The following RBPMS variants were observed in gnomAD, a reference collection of about 807,000 sequenced individuals.
RBPMS encodes the protein RNA binding protein, mRNA processing factor, also known as RNA-binding protein with multiple splicing.
RBPMS carries 7 observed loss-of-function variants against 26.8 expected under a neutral mutation model. The observed-to-expected ratio is 0.26, with a 90% CI of 0.15 to 0.49. The LOEUF (loss-of-function observed/expected upper bound fraction) is 0.49, where lower values mean the gene tolerates loss of function less well. Ranked by LOEUF, RBPMS falls within the 20% of genes least tolerant of loss-of-function variation. The pLI is 0.98. For synonymous variants in RBPMS, 96 were observed against 93.3 expected, an observed-to-expected ratio of 1.03 and a Z score of -0.17; for missense variants, 186 against 250.0, an observed-to-expected ratio of 0.74 and a Z score of 1.73.
intron 1 of RBPMS, among the ~76,000 whole-genome samples, chr8:30,390,475 A>G (rs1016414392): frequency 6.6e-6 from 1 of 152,052 alleles, no homozygotes; most frequent in African/African-American, 2.4e-5. Context: ...GCTACTTGGT[A>G]CTCCACAAAG....
At chr8:30,434,198 A>G (rs972446279) in intron 1 of RBPMS, among the ~76,000 whole-genome samples, 1 of 152,164 alleles carries the variant, frequency 6.6e-6, no homozygotes, top group Admixed American at 6.6e-5. Flanking sequence ...GTATAAAATG[A>G]AGGAGCTACA....
chr8:30,441,282 G>T (rs1813046051), intron 1 of RBPMS, among the ~76,000 whole-genome samples: 1 of 152,048 alleles, frequency 6.6e-6, no homozygotes, highest in Non-Finnish European at 1.5e-5. Context: ...ACTGTTTTGG[G>T]GTTTTTAAAC....
At chr8:30,550,585 T>G (rs9297247) in intron 6 of RBPMS, among the ~76,000 whole-genome samples, 3,594 of 152,262 alleles carry the variant, frequency 0.024, 151 homozygotes, top group African/African-American at 0.081. Flanking sequence ...GCTAGAGACC[T>G]CACGGCTGGA....
intron 7 of RBPMS, chr8:30,565,486 G>T (rs1827828133): frequency 6.6e-6 from 1 of 152,270 alleles, no homozygotes; most frequent in African/African-American, 2.4e-5. Context: ...AGGACCGCTG[G>T]TGTCCACATG....
intron 1 of RBPMS, among the ~76,000 whole-genome samples, chr8:30,454,062 C>T (rs537253141): frequency 6.6e-6 from 1 of 152,168 alleles, no homozygotes; most frequent in Non-Finnish European, 1.5e-5. Context: ...TGATCCTTCT[C>T]CCAGCAGATT....
intron 4 of RBPMS, among the ~76,000 whole-genome samples, chr8:30,494,855 T>C (rs923034610): frequency 1.5e-4 from 23 of 152,228 alleles, no homozygotes; most frequent in Non-Finnish European, 7.4e-5. Context: ...CATTTTGTTA[T>C]TGGAGCAGTT....
chr8:30,478,501 A>AT (rs199724683), intron 3 of RBPMS, among the ~76,000 whole-genome samples: 37,544 of 139,740 alleles, frequency 0.27, 5,147 homozygotes, highest in East Asian at 0.4. Flanking sequence ...TAAGAATATG[A>AT]TTTTTTTTTT....
At chr8:30,511,486 A>AAATATATATATAT (rs1821657057) in intron 5 of RBPMS, among the ~76,000 whole-genome samples, 2 of 23,568 alleles carry the variant, frequency 8.5e-5, no homozygotes, top group African/African-American at 3.3e-4. Context: ...AAAAAAAAAA[A>AAATATATATATAT]ATATATATAT....
intron 7 of RBPMS, among the ~76,000 whole-genome samples, chr8:30,563,416 AGAGTG>A (rs1232129841): frequency 5.1e-4 from 78 of 152,312 alleles, no homozygotes; most frequent in Middle Eastern, 3.4e-3. Flanking sequence ...ACATGCAGTG[AGAGTG>A]AGGCAGCTTT....
intron 5 of RBPMS, among the ~76,000 whole-genome samples, chr8:30,539,779 C>T (rs1315663470): frequency 2.6e-5 from 4 of 152,006 alleles, no homozygotes; most frequent in Non-Finnish European, 5.9e-5. Context: ...GCGTGCACCA[C>T]CACACTCAGC....
chr8:30,497,918 G>C (rs565163802), intron 4 of RBPMS, among the ~76,000 whole-genome samples: 2 of 151,764 alleles, frequency 1.3e-5, no homozygotes, highest in Non-Finnish European at 2.9e-5. Context: ...CACCAAGCCC[G>C]GCCACAAGGT....
chr8:30,474,695 A>ATAAT (rs1476569421), intron 1 of RBPMS, 84 bp from the exon 2 acceptor site: 7 of 772,852 alleles, frequency 9.1e-6, no homozygotes, highest in Non-Finnish European at 1.6e-5. Context: ...AATATTTGGA[A>ATAAT]TAATATGTTT....
intron 1 of RBPMS, among the ~76,000 whole-genome samples, chr8:30,431,357 C>CTTTCTCTT (rs1554511903): frequency 2.5e-4 from 37 of 148,232 alleles, no homozygotes; most frequent in African/African-American, 8.7e-4. Context: ...TTTTTTCTTT[C>CTTTCTCTT]TCTTTCTTTC....
At chr8:30,454,195 G>A (rs950943000) in intron 1 of RBPMS, among the ~76,000 whole-genome samples, 10 of 152,212 alleles carry the variant, frequency 6.6e-5, no homozygotes, top group African/African-American at 2.4e-4. Flanking sequence ...ACCAGAAAGT[G>A]TGTATAGCTA....
intron 6 of RBPMS, chr8:30,555,812 G>A (rs1162066616): frequency 2.2e-6 from 2 of 926,582 alleles, no homozygotes; most frequent in Non-Finnish European, 2.6e-6. Context: ...GTGACCTGGG[G>A]CCAAAAGCCC....
At chr8:30,483,506 C>G (rs752732837) in intron 4 of RBPMS, among the ~76,000 whole-genome samples, 10 of 152,056 alleles carry the variant, frequency 6.6e-5, no homozygotes, top group Non-Finnish European at 1.2e-4. Flanking sequence ...TGTTTTTCTT[C>G]CAGATAGCTC....
chr8:30,549,664 C>T lies in RBPMS; in HGVS notation c.528+5040C>T, dbSNP rs1230890245. 6.6e-6 allele frequency: 7 copies of T among 1,055,152 alleles called. No homozygotes were observed. In the Admixed American group the frequency reaches 1.1e-4, roughly 16 times the overall value. 65.4% of individuals were successfully genotyped at this position (1,055,152 alleles called of 1,614,324 possible). On this transcript the variant is annotated intron_variant, in intron 6 of 8. Coordinates refer to ENST00000397323, the MANE Select transcript of RBPMS (RefSeq NM_001008710.3). ...GGGAGGCCAGGCCTCATGCTCACAGCGCCAGCCTCCTGTGAGAGTGGGCTG... is the reference window on the plus strand; with the variant it reads ...GGGAGGCCAGGCCTCATGCTCACAGTGCCAGCCTCCTGTGAGAGTGGGCTG...
chr8:30,392,460 A>G (rs543652201), intron 1 of RBPMS, among the ~76,000 whole-genome samples: 4 of 152,324 alleles, frequency 2.6e-5, no homozygotes, highest in African/African-American at 9.6e-5. Context: ...AGTGGGTGGA[A>G]GAGCTGCCTC....
chr8:30,411,641 G>GGCAATAGA (rs1809409601), intron 1 of RBPMS, among the ~76,000 whole-genome samples: 1 of 136,722 alleles, frequency 7.3e-6, no homozygotes, highest in African/African-American at 2.8e-5. Context: ...CTCCAGCCTG[G>GGCAATAGA]GTGACAGCAA....
Sources: gnomAD v4.1 joint callset for allele counts (sites outside exome capture counted in the v4.1 genomes callset) on GRCh38, gnomAD v4.1.1 for gene constraint, MANE v1.5 for transcripts, NCBI Gene and HGNC (gene_info 2026-07-23, HGNC 2026-07-21) for gene names.